CLIP4: variants seen among roughly 807,000 people sequenced by gnomAD.
CLIP4 encodes CAP-Gly domain containing linker protein family member 4.
In CLIP4, 47 loss-of-function variants were observed where a neutral mutation model predicts 73.1. The ratio of observed to expected loss-of-function variants is 0.64; its 90% confidence interval spans 0.51 to 0.82. The LOEUF (loss-of-function observed/expected upper bound fraction) is 0.82. Among genes scored for constraint, CLIP4 ranks in the 40% least tolerant of loss-of-function variants. The pLI, the probability that CLIP4 is intolerant of heterozygous loss-of-function variation, is 0.00. For synonymous variants in CLIP4, 306 were observed against 295.4 expected, an observed-to-expected ratio of 1.04 and a Z score of -0.37; for missense variants, 874 against 852.9, an observed-to-expected ratio of 1.02 and a Z score of -0.31.
chr2:29,137,640 A>G (rs532912984), intron 6 of CLIP4, among the ~76,000 whole-genome samples: 1 of 152,316 alleles, frequency 6.6e-6, no homozygotes, highest in South Asian at 2.1e-4. Flanking sequence ...TCCCACTAAC[A>G]GTGTATAAAT....
In CLIP4 at chr2:29,121,535, C is replaced by T. The variant is rs1465932339; in HGVS notation, c.133+14C>T. ...CTTCAGACTGTGGTATGTGAAGTAG[C>T]TGTGCTTATTTTCTGTGAACTGGTA... On this transcript the variant is annotated intron_variant, in intron 2 of 15. Coordinates refer to ENST00000320081, the MANE Select transcript of CLIP4 (RefSeq NM_024692.6). 6.2e-7 allele frequency: 1 copy of T among 1,611,684 alleles called. No individual in the cohort carries two copies. Among genetic ancestry groups the T allele is most frequent in the Non-Finnish European group, 8.5e-7 (1 of 1,179,444 alleles).
At chr2:29,170,839 T>G (rs552354677) in intron 14 of CLIP4, among the ~76,000 whole-genome samples, 14 of 152,166 alleles carry the variant, frequency 9.2e-5, no homozygotes, top group South Asian at 2.1e-4. Flanking sequence ...GTTCGAGTAT[T>G]AGGTGTTGAA....
upstream of CLIP4, among the ~76,000 whole-genome samples, chr2:29,111,111 G>A (rs1668376642): frequency 6.6e-6 from 1 of 152,216 alleles, no homozygotes; most frequent in Non-Finnish European, 1.5e-5. Context: ...CCAGGAGGGT[G>A]ACTGCTGAGT....
intron 2 of CLIP4, among the ~76,000 whole-genome samples, chr2:29,127,220 A>C (rs1416464442): frequency 1.3e-5 from 2 of 152,102 alleles, no homozygotes; most frequent in Non-Finnish European, 2.9e-5. Context: ...GAATTCCTTA[A>C]AACTGTCTGG....
At chr2:29,149,834 A>G (rs1457039057) in intron 8 of CLIP4, among the ~76,000 whole-genome samples, 3 of 152,100 alleles carry the variant, frequency 2.0e-5, no homozygotes, top group Admixed American at 2.0e-4. Context: ...ACACAAATAT[A>G]CTTTAGCTTA....
intron 13 of CLIP4, among the ~76,000 whole-genome samples, chr2:29,166,453 A>G (rs1229801976): frequency 6.6e-6 from 1 of 151,826 alleles, no homozygotes; most frequent in East Asian, 1.9e-4. Context: ...TTCTTCTGCT[A>G]ATATATGAAT....
intron 1 of CLIP4, among the ~76,000 whole-genome samples, chr2:29,119,818 C>G (rs1275453278): frequency 6.6e-6 from 1 of 152,164 alleles, no homozygotes; most frequent in Non-Finnish European, 1.5e-5. Flanking sequence ...ATTTATGATT[C>G]TTAGAAGCTC....
chr2:29,168,312 G>A (rs1667760360), intron 14 of CLIP4, among the ~76,000 whole-genome samples: 1 of 152,026 alleles, frequency 6.6e-6, no homozygotes, highest in African/African-American at 2.4e-5. Flanking sequence ...TTTTCAGAGG[G>A]TAGTTTATCT....
At chr2:29,163,232 C>A (rs567590475) in intron 12 of CLIP4, among the ~76,000 whole-genome samples, 1 of 151,804 alleles carries the variant, frequency 6.6e-6, no homozygotes, top group Admixed American at 6.6e-5. Context: ...ATAATTCTCC[C>A]TATTAGCTAA....
intron 2 of CLIP4, among the ~76,000 whole-genome samples, chr2:29,122,914 C>T (rs1360848520): frequency 6.6e-6 from 1 of 151,762 alleles, no homozygotes; most frequent in Non-Finnish European, 1.5e-5. Context: ...ACTCACCTCC[C>T]TGTGTAGACA....
At position 29,160,263 on chromosome 2, in the gene CLIP4, G is replaced by A. The variant is rs576075132; in HGVS notation, c.1400-70G>A. Reference sequence around the variant, plus strand: ...TGATTTTTTGGCTAATGTGCTTTTTGAGTTTTTCTCCCTTTGTTTTTTCTC... The same window carrying A: ...TGATTTTTTGGCTAATGTGCTTTTTAAGTTTTTCTCCCTTTGTTTTTTCTC... On this transcript the variant is annotated intron_variant, in intron 11 of 15. Coordinates refer to ENST00000320081, the MANE Select transcript of CLIP4 (RefSeq NM_024692.6). 6.5e-4 allele frequency: 1,040 copies of A among 1,604,498 alleles called. 2 individuals are homozygous for A. The highest frequency in any genetic ancestry group is 4.2e-3 in the South Asian group (379 of 90,146).
At chr2:29,118,262 G>C (rs758436676) in intron 1 of CLIP4, 6 of 152,234 alleles carry the variant, frequency 3.9e-5, no homozygotes, top group Non-Finnish European at 8.8e-5. Flanking sequence ...ATGGGGTCCA[G>C]ACAGTCCTGA....
rs759221435 is a variant in CLIP4, at chr2:29,121,501, C to T, written c.113C>T (p.Ala38Val). 1.9e-6 allele frequency: 3 copies of T among 1,613,656 alleles called. No homozygotes were observed. Among genetic ancestry groups the T allele is most frequent in the Non-Finnish European group, 2.5e-6 (3 of 1,179,838 alleles). The change falls in exon 2 of 16, where the codon GCA becomes GTA. Residue 38 changes from alanine to valine, a missense_variant. By Grantham distance (64) the Ala-to-Val change is moderately conservative. Transcript: ENST00000320081. Reference protein sequence around the residue: ...DTPVIFSISAAPMPSDCEFSF... With the variant: ...DTPVIFSISAVPMPSDCEFSF... ...CCAGTTATCTTTTCCATTTCTGCAG[C>T]ACCAATGCCTTCAGACTGTGGTATG... is the stretch of plus-strand genomic sequence containing the variant.
At chr2:29,121,278 T>G in intron 1 of CLIP4, 96 bp from the exon 2 acceptor site, 1 of 1,194,446 alleles carries the variant, frequency 8.4e-7, no homozygotes. Context: ...GTCAGCAGAT[T>G]TGACGTCAAA....
intron 8 of CLIP4, among the ~76,000 whole-genome samples, chr2:29,147,968 A>G (rs1342281980): frequency 6.6e-6 from 1 of 152,194 alleles, no homozygotes; most frequent in Non-Finnish European, 1.5e-5. Context: ...AGCCTTTAGC[A>G]ACACATAGGG....
chr2:29,155,000 A>G (rs1317457721), intron 9 of CLIP4, among the ~76,000 whole-genome samples: 1 of 152,232 alleles, frequency 6.6e-6, no homozygotes, highest in East Asian at 1.9e-4. Context: ...GACACAAGAT[A>G]CAATTTAAAA....
At chr2:29,116,495 A>C (rs1663849566) in intron 1 of CLIP4, among the ~76,000 whole-genome samples, 1 of 152,202 alleles carries the variant, frequency 6.6e-6, no homozygotes, top group Non-Finnish European at 1.5e-5. Flanking sequence ...CCAGCACTTA[A>C]ATTGTACTTC....
At chr2:29,108,976 C>T (rs948588405) in intron 1 of CLIP4, among the ~76,000 whole-genome samples, 6 of 152,172 alleles carry the variant, frequency 3.9e-5, no homozygotes, top group African/African-American at 1.2e-4. Context: ...TTCCCCTCAG[C>T]CATTTTTTGG....
At chr2:29,169,329 CTGTGTGTGTGTG>C (rs70958249) in intron 14 of CLIP4, among the ~76,000 whole-genome samples, 13,169 of 140,306 alleles carry the variant, frequency 0.094, 628 homozygotes, top group Middle Eastern at 0.13. Context: ...GTCTTTTTCA[CTGTGTGTGTGTG>C]TGTGTGTGTG....
Sources: gnomAD v4.1 joint callset for allele counts (sites outside exome capture counted in the v4.1 genomes callset) on GRCh38, gnomAD v4.1.1 for gene constraint, MANE v1.5 for transcripts, NCBI Gene and HGNC (gene_info 2026-07-23, HGNC 2026-07-21) for gene names.